CFI: variants seen among roughly 807,000 people sequenced by gnomAD.
The protein encoded by CFI is C3B/C4B inactivator.
CFI carries 66 observed loss-of-function variants against 78.8 expected under a neutral mutation model. The ratio of observed to expected loss-of-function variants is 0.84; its 90% CI spans 0.69 to 1.03. The LOEUF is 1.03. CFI is among the 50% of genes least tolerant of loss of function. CFI has a pLI of 0.00. For missense variants in CFI, 706 were observed against 704.5 expected (o/e 1.00, Z -0.02); for synonymous variants, 250 against 232.6 (o/e 1.07, Z -0.68).
chr4:109,749,426 T>A, intron 9 of CFI, 73 bp downstream of exon 9: 1 of 1,481,346 alleles, frequency 6.8e-7, no homozygotes, highest in Middle Eastern at 1.7e-4. Flanking sequence ...AATTACATCA[T>A]CCTCCTGCCC....
chr4:109,801,177 G>A (rs1459689767), intron 1 of CFI, among the ~76,000 whole-genome samples: 2 of 152,042 alleles, frequency 1.3e-5, no homozygotes, highest in Non-Finnish European at 2.9e-5. Context: ...TTTCAGTTTC[G>A]AGTTCCTTTG....
In CFI at chr4:109,801,981, G is replaced by GTC; in HGVS notation, c.-11_-10insGA. ...CATGAAGAAGCTTCATGTTGGAGGT[G>GTC]TTCGGGGTCTTTGTCTCTGCTGAGA... On this transcript the variant is annotated 5_prime_UTR_variant, in exon 1 of 13. Transcript: ENST00000394634. 1 of 1,609,622 alleles carries GTC rather than the reference G, an allele frequency of 6.2e-7. No homozygotes were observed. Among genetic ancestry groups the GTC allele is most frequent in the African/African-American group, 1.3e-5 (1 of 74,988 alleles).
intron 7 of CFI, among the ~76,000 whole-genome samples, chr4:109,756,783 C>T (rs558606257): frequency 6.6e-6 from 1 of 151,182 alleles, no homozygotes; most frequent in African/African-American, 2.4e-5. Context: ...TGCTTAAACC[C>T]GGGAGGTGGA....
chr4:109,746,307 A>G lies in CFI; in HGVS notation c.1344T>C (p.Arg448=), dbSNP rs1724416603. ...DGNKKDCELP[R]SIPACVPWSP... ...ACCAGGGGACACAGGCAGGGATGGA[A>G]CGAGGCAGCTCACAATCTTTTTTGT... is the stretch of plus-strand genomic sequence containing the variant. Residue 448 remains arginine (R), a synonymous_variant, in exon 11 of 13, where the codon CGT becomes CGC. Transcript: ENST00000394634. The G allele has an allele frequency of 6.2e-7, 1 of 1,614,090 alleles. No homozygotes were observed. The highest frequency in any genetic ancestry group is 1.3e-5 in the African/African-American group (1 of 74,934).
At chr4:109,762,084 G>A (rs887298529) in intron 3 of CFI, 4 of 218,104 alleles carry the variant, frequency 1.8e-5, no homozygotes, top group Admixed American at 5.3e-5. Flanking sequence ...TCAGCTATTC[G>A]GGAGGCTGAG....
chr4:109,735,737 G>C (rs145378645), downstream of CFI, among the ~76,000 whole-genome samples: 539 of 152,308 alleles, frequency 3.5e-3, 4 homozygotes, highest in Admixed American at 0.028. Context: ...AGAGACTTCG[G>C]GGTAAAGCAG....
At chr4:109,741,984 G>C (rs1025733135) in intron 12 of CFI, 3 of 161,864 alleles carry the variant, frequency 1.9e-5, no homozygotes, top group Admixed American at 1.7e-4. Flanking sequence ...TGATTTCCAT[G>C]GAGGGAAAAA....
intron 2 of CFI, among the ~76,000 whole-genome samples, chr4:109,765,787 CTGGGGGAGAGGGT>C (rs564203117): frequency 1.0e-3 from 155 of 151,896 alleles, no homozygotes; most frequent in Admixed American, 1.5e-3. Context: ...GGGGTCAGGG[CTGGGGGAGAGGGT>C]TGGGGGGGAC....
At chr4:109,786,495 C>T (rs1180425288) in intron 1 of CFI, among the ~76,000 whole-genome samples, 1 of 152,054 alleles carries the variant, frequency 6.6e-6, no homozygotes, top group Non-Finnish European at 1.5e-5. Flanking sequence ...CTTATTAACC[C>T]AGTATATAGC....
chr4:109,749,591 T>C lies in CFI; in HGVS notation c.952A>G (p.Ile318Val), dbSNP rs1724895985. Residue 318 changes from isoleucine to valine, a missense_variant, in exon 9 of 13, where the codon ATA becomes GTA. Transcript: ENST00000394634. ...TADMDAERRR[I>V]KSLLPKLSCG... ...GATAGTTTAGGTAATAATGATTTTA[T>C]CCGTCTTCTTTCTTCAAGAAAGGAA... 1 of 1,597,918 alleles carries C rather than the reference T, an allele frequency of 6.3e-7. No homozygotes were observed. Among genetic ancestry groups the C allele is most frequent in the East Asian group, 2.2e-5 (1 of 44,798 alleles).
chr4:109,761,714 C>T (rs987179128), intron 3 of CFI, 22 bp from the exon 4 acceptor site: 1 of 1,585,404 alleles, frequency 6.3e-7, no homozygotes, highest in Non-Finnish European at 8.7e-7. Flanking sequence ...ATAAAGGAAA[C>T]ATTATGGTAG....
chr4:109,755,810 G>A (rs1249368497), intron 7 of CFI, among the ~76,000 whole-genome samples: 1 of 152,172 alleles, frequency 6.6e-6, no homozygotes, highest in Admixed American at 6.5e-5. Flanking sequence ...ATGCCTCGAA[G>A]AAATCCTCCC....
rs763982321 is a variant in CFI, at chr4:109,746,533, T to C, written c.1149-31A>G. On this transcript the variant is annotated intron_variant, in intron 10 of 12. Coordinates refer to ENST00000394634, the MANE Select transcript of CFI (RefSeq NM_000204.5). ...ACAGAAAAAAAAAGGAAATAAAATA[T>C]ATTGAGAAAAAATATAAATAGGAAT... is the stretch of plus-strand genomic sequence containing the variant. The C allele has an allele frequency of 1.1e-5, 17 of 1,503,466 alleles. No homozygotes were observed. The East Asian group carries it at 4.1e-4, about 36-fold the overall frequency. The allele number at this position is 1,503,466 out of a possible 1,614,324, so 93.1% of individuals were successfully genotyped here. A position where few individuals can be genotyped will look rare whatever the true frequency, so the allele number is the denominator to read the frequency against.
At chr4:109,747,447 G>A (rs1333222344) in intron 10 of CFI, among the ~76,000 whole-genome samples, 3 of 152,126 alleles carry the variant, frequency 2.0e-5, no homozygotes, top group Non-Finnish European at 4.4e-5. Flanking sequence ...GTGAGCCACC[G>A]CACCTGGCCT....
Position 109,753,471 on chromosome 4 carries a change from TAATAAATATTTATA to T in CFI, c.905-982_905-969del, listed in dbSNP as rs1561293563. Reference sequence around the variant, plus strand: ...TAAATATTTATATATATATTTATATTAATAAATATTTATAATAAATATTTATAATATATTTATTA... The same window carrying T: ...TAAATATTTATATATATATTTATATTATAAATATTTATAATATATTTATTA... On this transcript the variant is annotated intron_variant, in intron 7 of 12. Transcript: ENST00000394634. 2.0e-3 allele frequency among the ~76,000 whole-genome samples: 179 copies of T among 89,416 alleles called. 20 individuals carry two copies. The East Asian group carries it at 0.045, about 23-fold the overall frequency. The allele number at this position is 89,416 out of a possible 152,430, so 58.7% of individuals were successfully genotyped here. A position where few individuals can be genotyped will look rare whatever the true frequency, so the allele number is the denominator to read the frequency against.
chr4:109,741,238 C>T (rs1723757601), intron 12 of CFI, 128 bp from the exon 13 acceptor site: 1 of 1,521,152 alleles, frequency 6.6e-7, no homozygotes, highest in Admixed American at 2.2e-5. Context: ...CATGGGCTCT[C>T]CTTAGAGTCC....
chr4:109,752,483 C>T lies in CFI; in HGVS notation c.925G>A (p.Ala309Thr), dbSNP rs539987354. The T allele has an allele frequency of 1.2e-6, 2 of 1,613,294 alleles. No individual in the cohort carries two copies. Among genetic ancestry groups the T allele is most frequent in the South Asian group, 1.1e-5 (1 of 91,044 alleles). Reference protein sequence around the residue: ...VTQEETEILTADMDAERRRIK... With the variant: ...VTQEETEILTTDMDAERRRIK... ...GTTAGCTTACCTGCATCCATGTCAG[C>T]AGTCAAAATTTCTGTTTCTTCTATG... Residue 309 changes from alanine to threonine, a missense_variant, in exon 8 of 13, where the codon GCT becomes ACT. Transcript: ENST00000394634.
At chr4:109,789,943 A>G (rs1327776531) in intron 1 of CFI, among the ~76,000 whole-genome samples, 1 of 152,020 alleles carries the variant, frequency 6.6e-6, no homozygotes, top group Non-Finnish European at 1.5e-5. Context: ...ATCTGGTTAC[A>G]GATATTTCTT....
rs1212979895 is a variant in CFI, at chr4:109,761,553, C to T, written c.622G>A (p.Asp208Asn). 1.9e-6 allele frequency: 3 copies of T among 1,614,114 alleles called. No individual in the cohort carries two copies. Among genetic ancestry groups the T allele is most frequent in the Admixed American group, 1.7e-5 (1 of 60,022 alleles). Residue 208 changes from aspartate (D) to asparagine (N), a missense_variant, in exon 4 of 13, where the codon GAT (aspartate) becomes AAT (asparagine). Transcript: ENST00000394634. ...FTKRRTMGYQDFADVVCYTQK... is the reference protein window; with the variant it reads ...FTKRRTMGYQNFADVVCYTQK... ...GTATAACAAACCACATCAGCGAAATCCTGGTAACCCATAGTTCTTCTCTTA... is the reference window on the plus strand; with the variant it reads ...GTATAACAAACCACATCAGCGAAATTCTGGTAACCCATAGTTCTTCTCTTA...
Sources: allele counts gnomAD v4.1 joint callset (sites outside exome capture counted in the v4.1 genomes callset), GRCh38; gene constraint gnomAD v4.1.1; transcripts MANE v1.5; gene names NCBI Gene and HGNC (gene_info 2026-07-23, HGNC 2026-07-21).